EXOC5: variants seen among roughly 807,000 people sequenced by gnomAD.
The protein encoded by EXOC5 is exocyst complex component 5.
In EXOC5, 17 loss-of-function variants were observed where a neutral mutation model predicts 90.8. That is an observed-to-expected ratio of 0.19 (90% confidence interval 0.13 to 0.28). The LOEUF is 0.28. Ranked by LOEUF, EXOC5 falls within the 10% of genes least tolerant of loss-of-function variation. The probability of loss-of-function intolerance (pLI) is 1.00; values close to 1 mark genes in which losing one functional copy is unlikely to be tolerated. For missense variants in EXOC5, 569 were observed against 830.6 expected (o/e 0.69, Z 3.87); for synonymous variants, 260 against 270.0 (o/e 0.96, Z 0.36).
intron 12 of EXOC5, among the ~76,000 whole-genome samples, chr14:57,224,101 G>C (rs1291756305): frequency 2.6e-5 from 4 of 151,758 alleles, no homozygotes; most frequent in Admixed American, 6.6e-5. Context: ...ACCCGCATTA[G>C]ATTAGGAAAG....
intron 1 of EXOC5, among the ~76,000 whole-genome samples, chr14:57,252,883 T>C (rs1291275547): frequency 6.6e-6 from 1 of 152,094 alleles, no homozygotes; most frequent in African/African-American, 2.4e-5. Flanking sequence ...GGAATCAATC[T>C]AAGTGTCCAT....
rs111878381 is a variant in EXOC5, at chr14:57,213,469, G to A, written c.1614-3408C>T. Among the ~76,000 whole-genome samples, 336 of 151,588 alleles carry A rather than the reference G, an allele frequency of 2.2e-3. 1 individual carries two copies. Among genetic ancestry groups the A allele is most frequent in the African/African-American group, 7.7e-3 (320 of 41,380 alleles). On this transcript the variant is annotated intron_variant, in intron 15 of 17. Transcript: ENST00000621441. ...GTTACCCAGTCTGGAGTGCAGTGGC[G>A]TGATCTTGGCTCACTGCAACCTCTG... is the stretch of plus-strand genomic sequence containing the variant.
intron 1 of EXOC5, among the ~76,000 whole-genome samples, chr14:57,252,516 CCAA>C (rs1884224842): frequency 6.6e-6 from 1 of 151,982 alleles, no homozygotes; most frequent in Non-Finnish European, 1.5e-5. Context: ...ACATAAATGG[CCAA>C]CAAGTATACG....
intron 15 of EXOC5, among the ~76,000 whole-genome samples, chr14:57,215,351 G>C (rs995618548): frequency 2.0e-5 from 3 of 151,656 alleles, no homozygotes; most frequent in African/African-American, 7.3e-5. Context: ...TGATACCAAA[G>C]CCAGAGAAGG....
intron 1 of EXOC5, among the ~76,000 whole-genome samples, chr14:57,258,498 G>C (rs1345947189): frequency 6.6e-6 from 1 of 152,122 alleles, no homozygotes; most frequent in Non-Finnish European, 1.5e-5. Flanking sequence ...GCTGAAAAAT[G>C]AGAATACATG....
intron 15 of EXOC5, chr14:57,211,737 G>GT (rs1263885353): frequency 1.3e-5 from 2 of 152,330 alleles, no homozygotes; most frequent in Admixed American, 1.3e-4. Context: ...GCCAGCCATG[G>GT]TGGTGGGTGC....
intron 7 of EXOC5, 52 bp from the exon 8 acceptor site, chr14:57,234,084 T>G (rs1331684761): frequency 3.7e-6 from 5 of 1,351,098 alleles, no homozygotes; most frequent in Non-Finnish European, 5.2e-6. Context: ...TAATAATTAT[T>G]ATTTCAAAAA....
In EXOC5 at chr14:57,200,549, T is replaced by C. The variant is rs915723795; in HGVS notation, c.*8060A>G. 2.0e-5 allele frequency: 3 copies of C among 152,170 alleles called. No individual in the cohort carries two copies. The highest frequency in any genetic ancestry group is 4.1e-4 in the South Asian group (2 of 4,824). The allele number at this position is 152,170 out of a possible 1,614,324, so 9.4% of individuals were successfully genotyped here. ...TTTATTAGTAAAAATATCCTATTGG[T>C]ATTCAGTGCTTAATGGTCAGGTTTC... On this transcript the variant is annotated 3_prime_UTR_variant, in exon 18 of 18. Coordinates refer to ENST00000621441, the MANE Select transcript of EXOC5 (RefSeq NM_006544.4).
intron 1 of EXOC5, among the ~76,000 whole-genome samples, chr14:57,255,449 A>G (rs1334048131): frequency 1.3e-5 from 2 of 152,170 alleles, no homozygotes; most frequent in Admixed American, 6.5e-5. Context: ...AGTTTACAGC[A>G]AAGGAGGTAA....
chr14:57,201,442 G>A lies in EXOC5; in HGVS notation c.*7167C>T, dbSNP rs201617087. The A allele has an allele frequency of 9.9e-5, 14 of 141,486 alleles. No homozygotes were observed. The highest frequency in any genetic ancestry group is 3.5e-4 in the African/African-American group (13 of 36,712). 8.8% of individuals were successfully genotyped at this position (141,486 alleles called of 1,614,324 possible). On this transcript the variant is annotated 3_prime_UTR_variant, in exon 18 of 18. Coordinates refer to ENST00000621441, the MANE Select transcript of EXOC5 (RefSeq NM_006544.4). ...AGTATATATATATACACACACACAC[G>A]TGTGTATATATACACACGCGTGTAT...
chr14:57,265,555 T>C lies in EXOC5; in HGVS notation c.27+3067A>G, dbSNP rs551857219. On this transcript the variant is annotated intron_variant, in intron 1 of 17. Coordinates refer to ENST00000621441, the MANE Select transcript of EXOC5 (RefSeq NM_006544.4). ...CTGGGCAACATGGTAAAACCTTATT[T>C]CTGCAAAAAATTTTTAAAAATCAGC... 1.3e-4 allele frequency among the ~76,000 whole-genome samples: 20 copies of C among 152,212 alleles called. 1 individual carries two copies. The highest frequency in any genetic ancestry group is 6.8e-3 in the Middle Eastern group (2 of 294).
rs543425130 is a variant in EXOC5 at position 57,202,358 on chromosome 14, T to C, written c.*6251A>G. 2 of 152,318 alleles carry C rather than the reference T, an allele frequency of 1.3e-5. No individual in the cohort carries two copies. The highest frequency in any genetic ancestry group is 3.9e-4 in the East Asian group (2 of 5,188). 9.4% of individuals were successfully genotyped at this position (152,318 alleles called of 1,614,324 possible). ...AAATGATTGGTGTCTGAGGATTAGA[T>C]AGTAGTAATATGTCAATGTTAACTT... is the stretch of plus-strand genomic sequence containing the variant. On this transcript the variant is annotated 3_prime_UTR_variant, in exon 18 of 18. Coordinates refer to ENST00000621441, the MANE Select transcript of EXOC5 (RefSeq NM_006544.4).
chr14:57,222,012 G>A (rs773451534), intron 13 of EXOC5, among the ~76,000 whole-genome samples: 2 of 151,704 alleles, frequency 1.3e-5, no homozygotes, highest in East Asian at 3.9e-4. Flanking sequence ...AATTGTTTTC[G>A]CCTTCATTTT....
In EXOC5 at chr14:57,206,494, A is replaced by G. The variant is rs1413454445; in HGVS notation, c.*2115T>C. ...GAAAATGAGAAGACCTGTGCTGTGA[A>G]AAATTTTAAAAATCTCAAATTTTTA... On this transcript the variant is annotated 3_prime_UTR_variant, in exon 18 of 18. Transcript: ENST00000621441. 1 of 152,014 alleles carries G rather than the reference A, an allele frequency of 6.6e-6. No homozygotes were observed. Among genetic ancestry groups the G allele is most frequent in the East Asian group, 1.9e-4 (1 of 5,194 alleles). 9.4% of individuals were successfully genotyped at this position (152,014 alleles called of 1,614,324 possible). A position where few individuals can be genotyped will look rare whatever the true frequency, so the allele number is the denominator to read the frequency against.
intron 12 of EXOC5, among the ~76,000 whole-genome samples, chr14:57,223,978 A>G (rs1374734071): frequency 6.6e-6 from 1 of 152,224 alleles, no homozygotes; most frequent in Admixed American, 6.5e-5. Context: ...GGGCCAGAAC[A>G]AATCAAAAGC....
intron 1 of EXOC5, among the ~76,000 whole-genome samples, chr14:57,263,483 A>T (rs1212395844): frequency 6.6e-6 from 1 of 151,314 alleles, no homozygotes. Flanking sequence ...AAACAAAAAA[A>T]CTGGCCAGGC....
intron 13 of EXOC5, among the ~76,000 whole-genome samples, chr14:57,221,788 T>TG (rs1883148213): frequency 1.3e-5 from 2 of 152,162 alleles, no homozygotes; most frequent in African/African-American, 4.8e-5. Flanking sequence ...AGTTTCATTT[T>TG]GGATATGTTA....
intron 1 of EXOC5, among the ~76,000 whole-genome samples, chr14:57,254,422 G>A (rs530835666): frequency 1.1e-4 from 17 of 150,686 alleles, no homozygotes; most frequent in African/African-American, 3.9e-4. Context: ...GTAACAGAGT[G>A]AGTGAATCTG....
chr14:57,222,164 C>G (rs926884870), intron 13 of EXOC5, 144 bp downstream of exon 13: 1 of 504,340 alleles, frequency 2.0e-6, no homozygotes, highest in Middle Eastern at 5.2e-4. Flanking sequence ...CCTGGCAAAT[C>G]CTTGCATTAT....
Sources: gnomAD v4.1 joint callset for allele counts (sites outside exome capture counted in the v4.1 genomes callset) on GRCh38, gnomAD v4.1.1 for gene constraint, MANE v1.5 for transcripts, NCBI Gene and HGNC (gene_info 2026-07-23, HGNC 2026-07-21) for gene names.